The following ANK2 variants were observed in gnomAD, a reference collection of about 807,000 sequenced individuals.
ANK2 encodes the protein ankyrin-2.
A neutral mutation model predicts 360.5 loss-of-function variants in ANK2; 83 were observed. That is an observed-to-expected ratio of 0.23 (90% confidence interval 0.19 to 0.28). The LOEUF is 0.28. Ranked by LOEUF, ANK2 falls within the 10% of genes least tolerant of loss-of-function variation. The pLI, the probability that ANK2 is intolerant of heterozygous loss-of-function variation, is 1.00. For synonymous variants in ANK2, 1,740 were observed against 1,759.5 expected (o/e 0.99, Z 0.28); for missense variants, 4,201 against 4,795.7 (o/e 0.88, Z 3.66).
At position 113,255,705 on chromosome 4, in the gene ANK2, G is replaced by A. The variant is rs3025733; in HGVS notation, c.991-30G>A. 649 of 1,606,902 alleles carry A rather than the reference G, an allele frequency of 4.0e-4. 5 individuals are homozygous for A. In the African/African-American group the frequency reaches 7.5e-3, roughly 19 times the overall value. On this transcript the variant is annotated intron_variant, in intron 10 of 45. Transcript: ENST00000357077. ...CCTGAAAATAATGAAAAAAAAAAAGGACATTATTTTGTTTTCTTTTAATGT... is the reference window on the plus strand; with the variant it reads ...CCTGAAAATAATGAAAAAAAAAAAGAACATTATTTTGTTTTCTTTTAATGT...
the ANK2 span, among the ~76,000 whole-genome samples, chr4:112,778,166 T>C: frequency 8.1e-4 from 120 of 148,498 alleles, no homozygotes; most frequent in Non-Finnish European, 1.6e-3. Context: ...GACGGGGTTT[T>C]GCCATGTTGA....
intron 22 of ANK2, among the ~76,000 whole-genome samples, chr4:113,298,344 G>C (rs769366929): frequency 6.6e-6 from 1 of 152,202 alleles, no homozygotes; most frequent in Non-Finnish European, 1.5e-5. Flanking sequence ...ACTGATGGAA[G>C]CTATGGATGA....
chr4:113,315,742 C>CA, intron 24 of ANK2, among the ~76,000 whole-genome samples: 1 of 151,440 alleles, frequency 6.6e-6, no homozygotes, highest in African/African-American at 2.4e-5. Flanking sequence ...ACTAAAAATA[C>CA]AAAAAAATTA....
chr4:112,785,082 C>T, the ANK2 span, among the ~76,000 whole-genome samples: 2 of 152,182 alleles, frequency 1.3e-5, no homozygotes. Flanking sequence ...TTTAATGCAG[C>T]TTTGGTGAAA....
In ANK2 at chr4:113,358,459, C is replaced by A. The variant is rs372534074; in HGVS notation, c.9841C>A (p.Gln3281Lys). The stretch of plus-strand genomic sequence containing the variant: ...TTCTCCCGATTCTTCCCCAGAAGAA[C>A]AGAAATCAGTAATCGAGATTCCTAC... ...DDSPDSSPEEQKSVIEIPTAP... is the reference protein window; with the variant it reads ...DDSPDSSPEEKKSVIEIPTAP... Residue 3281 changes from glutamine (Q) to lysine (K), a missense_variant, in exon 38 of 46, where the codon CAG (glutamine) becomes AAG (lysine). Coordinates refer to ENST00000357077, the MANE Select transcript of ANK2 (RefSeq NM_001148.6). The A allele has an allele frequency of 6.2e-7, 1 of 1,614,108 alleles. No homozygotes were observed. Among genetic ancestry groups the A allele is most frequent in the Admixed American group, 1.7e-5 (1 of 60,016 alleles).
the ANK2 span, among the ~76,000 whole-genome samples, chr4:112,807,383 A>C: frequency 6.6e-6 from 1 of 152,250 alleles, no homozygotes; most frequent in Non-Finnish European, 1.5e-5. Flanking sequence ...AGTGCATTTA[A>C]GTCTCATAAT....
rs115527840 is a variant in ANK2 at position 113,337,361 on chromosome 4, C to T, written c.3796+580C>T. On this transcript the variant is annotated intron_variant, in intron 31 of 45. Coordinates refer to ENST00000357077, the MANE Select transcript of ANK2 (RefSeq NM_001148.6). ...GTCTTTTCAATTGTGGTTGTGTAGT[C>T]GCTTTCAGACAGCTACCAAACTCTC... Among the ~76,000 whole-genome samples the T allele has an allele frequency of 8.2e-3, 1,245 of 152,194 alleles. 18 individuals carry two copies. The highest frequency in any genetic ancestry group is 0.028 in the African/African-American group (1,175 of 41,532).
intron 23 of ANK2, among the ~76,000 whole-genome samples, chr4:113,309,605 A>C (rs1223130639): frequency 6.6e-6 from 1 of 151,992 alleles, no homozygotes; most frequent in Non-Finnish European, 1.5e-5. Flanking sequence ...TGTAGCCTCG[A>C]CTTCCTGGGC....
chr4:113,342,000 A>T, intron 33 of ANK2, 84 bp downstream of exon 33: 1 of 1,250,978 alleles, frequency 8.0e-7, no homozygotes, highest in Non-Finnish European at 1.1e-6. Flanking sequence ...ATCATTTAAT[A>T]AATAGAATAA....
chr4:112,928,159 A>G (rs2092786139), intron 2 of ANK2, among the ~76,000 whole-genome samples: 1 of 152,218 alleles, frequency 6.6e-6, no homozygotes, highest in African/African-American at 2.4e-5. Context: ...ATTTAAAAAT[A>G]GTACAAATAC....
At chr4:113,053,008 A>G (rs1561728777) in intron 1 of ANK2, among the ~76,000 whole-genome samples, 1 of 152,306 alleles carries the variant, frequency 6.6e-6, no homozygotes, top group East Asian at 1.9e-4. Flanking sequence ...ATTTGGCAAG[A>G]GAGGGAGATG....
intron 22 of ANK2, among the ~76,000 whole-genome samples, chr4:113,301,041 T>C (rs906071766): frequency 1.3e-5 from 2 of 152,230 alleles, no homozygotes; most frequent in African/African-American, 2.4e-5. Flanking sequence ...ATAGGTTCAT[T>C]ATAGCCTTTC....
At chr4:112,991,949 G>A (rs1323993231) in intron 2 of ANK2, among the ~76,000 whole-genome samples, 2 of 151,600 alleles carry the variant, frequency 1.3e-5, no homozygotes, top group African/African-American at 2.4e-5. Context: ...GGCCCTTAAC[G>A]TCTGTATTTC....
chr4:113,261,432 A>T (rs753406706), intron 13 of ANK2, among the ~76,000 whole-genome samples: 3 of 152,220 alleles, frequency 2.0e-5, no homozygotes, highest in Non-Finnish European at 4.4e-5. Context: ...ATGCTTAAAA[A>T]TTTCCCCGAA....
intron 1 of ANK2, among the ~76,000 whole-genome samples, chr4:113,063,632 T>C (rs1392691917): frequency 1.3e-5 from 2 of 152,160 alleles, no homozygotes; most frequent in East Asian, 1.9e-4. Flanking sequence ...TAGGTATTTT[T>C]ATACTTAATT....
rs79577190 is a variant in ANK2 at position 113,369,660 on chromosome 4, G to C, written c.11465G>C (p.Gly3822Ala). 665 of 1,614,074 alleles carry C rather than the reference G, an allele frequency of 4.1e-4. 4 individuals carry two copies. In the African/African-American group the frequency reaches 7.4e-3, roughly 18 times the overall value. Residue 3822 changes from glycine to alanine, a missense_variant, in exon 43 of 46, where the codon GGC (glycine) becomes GCC (alanine). Coordinates refer to ENST00000357077, the MANE Select transcript of ANK2 (RefSeq NM_001148.6). ...ACCCCAACATCCAGCGAGCGGGGAGGCTCTCCCATCATACAAGAACCCGAA... is the reference window on the plus strand; with the variant it reads ...ACCCCAACATCCAGCGAGCGGGGAGCCTCTCCCATCATACAAGAACCCGAA... ...LQTPTSSERG[G>A]SPIIQEPEEP...
intron 1 of ANK2, among the ~76,000 whole-genome samples, chr4:113,173,487 T>C (rs908129583): frequency 1.3e-5 from 2 of 152,278 alleles, no homozygotes; most frequent in Non-Finnish European, 2.9e-5. Flanking sequence ...AGATATTATA[T>C]GACAAAAAAT....
At chr4:113,377,991 A>G in intron 45 of ANK2, 2 of 402,118 alleles carry the variant, frequency 5.0e-6, no homozygotes, top group Non-Finnish European at 8.1e-6. Flanking sequence ...CGTTTCAAGT[A>G]TATCTTTTCA....
At chr4:112,741,245 G>A in the ANK2 span, among the ~76,000 whole-genome samples, 2 of 152,094 alleles carry the variant, frequency 1.3e-5, no homozygotes, top group Non-Finnish European at 2.9e-5. Flanking sequence ...CTTCTCCCAG[G>A]CAGAAATTCT....
Sources: gnomAD v4.1 joint callset for allele counts (sites outside exome capture counted in the v4.1 genomes callset) on GRCh38, gnomAD v4.1.1 for gene constraint, MANE v1.5 for transcripts, NCBI Gene and HGNC (gene_info 2026-07-23, HGNC 2026-07-21) for gene names.